SEZ6L: variants seen among roughly 807,000 people sequenced by gnomAD.
The protein encoded by SEZ6L is seizure related 6 homolog like.
In SEZ6L, 37 loss-of-function variants were observed where a neutral mutation model predicts 106.2. The ratio of observed to expected loss-of-function variants is 0.35; its 90% CI spans 0.27 to 0.46. The LOEUF is 0.46. Among genes scored for constraint, SEZ6L ranks in the 20% least tolerant of loss-of-function variants. The probability of loss-of-function intolerance (pLI) is 1.00; values close to 1 mark genes in which losing one functional copy is unlikely to be tolerated. For missense variants in SEZ6L, 1,172 were observed against 1,332.8 expected (o/e 0.88, Z 1.88); for synonymous variants, 541 against 570.4 (o/e 0.95, Z 0.73).
chr22:26,268,624 G>T (rs887866495), intron 1 of SEZ6L, among the ~76,000 whole-genome samples: 1 of 152,196 alleles, frequency 6.6e-6, no homozygotes, highest in Non-Finnish European at 1.5e-5. Flanking sequence ...ATAGGCCAGG[G>T]TCTCTCCATC....
chr22:26,265,585 G>C (rs951564700), intron 1 of SEZ6L, among the ~76,000 whole-genome samples: 3 of 152,206 alleles, frequency 2.0e-5, no homozygotes, highest in Non-Finnish European at 4.4e-5. Context: ...GCACCTCAGA[G>C]AGCTGCAAAC....
At chr22:26,348,186 G>A (rs921341840) in intron 11 of SEZ6L, among the ~76,000 whole-genome samples, 3 of 152,044 alleles carry the variant, frequency 2.0e-5, no homozygotes, top group Non-Finnish European at 4.4e-5. Context: ...GAATGGGAGC[G>A]TATGTAGCCT....
At chr22:26,350,706 G>C (rs1164045953) in intron 11 of SEZ6L, among the ~76,000 whole-genome samples, 1 of 150,366 alleles carries the variant, frequency 6.7e-6, no homozygotes, top group Non-Finnish European at 1.5e-5. Flanking sequence ...GCCCAGGCTG[G>C]AGTGCAGTGG....
rs185677283 is a variant in SEZ6L at position 26,314,900 on chromosome 22, G to T, written c.2015+998G>T. 8.5e-4 allele frequency among the ~76,000 whole-genome samples: 130 copies of T among 152,350 alleles called. 1 individual carries two copies. Among genetic ancestry groups the T allele is most frequent in the Middle Eastern group, 3.4e-3 (1 of 294 alleles). On this transcript the variant is annotated intron_variant, in intron 9 of 16. Coordinates refer to ENST00000248933, the MANE Select transcript of SEZ6L (RefSeq NM_021115.5). ...AGCGAGCAGCGGGGCTGAAATTCAG[G>T]CTTCTGTGGCTTCTCAGTCATGCTC...
chr22:26,298,245 C>T lies in SEZ6L; in HGVS notation c.1163-739C>T, dbSNP rs150708482. 1.8e-4 allele frequency among the ~76,000 whole-genome samples: 27 copies of T among 152,286 alleles called. No homozygotes were observed. In the East Asian group the frequency reaches 4.8e-3, roughly 27 times the overall value. On this transcript the variant is annotated intron_variant, in intron 4 of 16. Transcript: ENST00000248933. ...TTGAATGTATTCCTCCTCATCAGTACTGAGAATAAAGATATTCTGTGCTGC... is the reference window on the plus strand; with the variant it reads ...TTGAATGTATTCCTCCTCATCAGTATTGAGAATAAAGATATTCTGTGCTGC...
chr22:26,263,484 A>T (rs1204563586), intron 1 of SEZ6L, among the ~76,000 whole-genome samples: 1 of 152,242 alleles, frequency 6.6e-6, no homozygotes, highest in Non-Finnish European at 1.5e-5. Context: ...AAGATGCTGG[A>T]TTTGAATGAA....
chr22:26,230,994 G>A (rs918462738), intron 1 of SEZ6L, among the ~76,000 whole-genome samples: 3 of 152,202 alleles, frequency 2.0e-5, no homozygotes, highest in African/African-American at 7.2e-5. Flanking sequence ...CAAAACTGGG[G>A]CTTAGCCCAG....
chr22:26,379,059 T>C lies in SEZ6L; in HGVS notation c.3046-1207T>C, dbSNP rs148953745. Among the ~76,000 whole-genome samples the C allele has an allele frequency of 1.6e-4, 24 of 152,322 alleles. 1 individual carries two copies. The East Asian group carries it at 4.6e-3, about 29-fold the overall frequency. On this transcript the variant is annotated intron_variant, in intron 16 of 16. Transcript: ENST00000248933. ...AGGCAGCAACTGGGCTGCAGTCTCA[T>C]CTGAGGCTCAACCAGGGAAGGATCC...
chr22:26,321,381 T>A (rs1019805065), intron 9 of SEZ6L, among the ~76,000 whole-genome samples: 2 of 152,212 alleles, frequency 1.3e-5, no homozygotes, highest in Non-Finnish European at 2.9e-5. Flanking sequence ...TGAATGCGAC[T>A]CAGCAGCGCC....
At chr22:26,234,442 A>G (rs1166343671) in intron 1 of SEZ6L, among the ~76,000 whole-genome samples, 4 of 152,242 alleles carry the variant, frequency 2.6e-5, no homozygotes, top group Non-Finnish European at 4.4e-5. Context: ...GTGGGTCGGA[A>G]TTAGCAGACC....
At chr22:26,190,482 G>C (rs550753885) in intron 1 of SEZ6L, among the ~76,000 whole-genome samples, 1 of 152,176 alleles carries the variant, frequency 6.6e-6, no homozygotes, top group Non-Finnish European at 1.5e-5. Context: ...CAGGCTGCCT[G>C]AGTTCAAATC....
At chr22:26,178,537 A>G (rs1043717540) in intron 1 of SEZ6L, among the ~76,000 whole-genome samples, 28 of 152,136 alleles carry the variant, frequency 1.8e-4, no homozygotes, top group African/African-American at 6.3e-4. Flanking sequence ...GATTAGAACA[A>G]GGTAGGTGGA....
At chr22:26,299,899 C>T (rs1040614693) in intron 5 of SEZ6L, among the ~76,000 whole-genome samples, 5 of 152,196 alleles carry the variant, frequency 3.3e-5, no homozygotes, top group Non-Finnish European at 7.3e-5. Context: ...GAGGAACCAT[C>T]AAACGATTTT....
chr22:26,263,003 C>T (rs1261641118), intron 1 of SEZ6L, among the ~76,000 whole-genome samples: 1 of 152,194 alleles, frequency 6.6e-6, no homozygotes, highest in East Asian at 1.9e-4. Flanking sequence ...ACCATTCAGT[C>T]TCAGAATTAA....
At chr22:26,364,258 A>G (rs554208449) in intron 12 of SEZ6L, among the ~76,000 whole-genome samples, 261 of 152,214 alleles carry the variant, frequency 1.7e-3, no homozygotes, top group African/African-American at 5.8e-3. Flanking sequence ...CCAGGTGCTG[A>G]AAAAGGACTA....
intron 1 of SEZ6L, among the ~76,000 whole-genome samples, chr22:26,245,861 G>A (rs1217635604): frequency 6.6e-6 from 1 of 152,102 alleles, no homozygotes; most frequent in East Asian, 1.9e-4. Flanking sequence ...ATTATTATTA[G>A]TATTGCTGTT....
Position 26,368,427 on chromosome 22 carries a change from C to T in SEZ6L, c.2794+2861C>T, listed in dbSNP as rs528994011. Among the ~76,000 whole-genome samples the T allele has an allele frequency of 4.6e-5, 7 of 152,256 alleles. No homozygotes were observed. In the South Asian group the frequency reaches 6.2e-4, roughly 14 times the overall value. ...AATATTATTCAGCCATTAAAAGGAA[C>T]GAAATACTGACACATACCACAACAT... On this transcript the variant is annotated intron_variant, in intron 13 of 16. Coordinates refer to ENST00000248933, the MANE Select transcript of SEZ6L (RefSeq NM_021115.5).
chr22:26,260,813 A>G lies in SEZ6L; in HGVS notation c.95-31593A>G, dbSNP rs1160814951. Among the ~76,000 whole-genome samples the G allele has an allele frequency of 2.6e-5, 4 of 152,154 alleles. No individual in the cohort carries two copies. In the East Asian group the frequency reaches 7.7e-4, roughly 29 times the overall value. On this transcript the variant is annotated intron_variant, in intron 1 of 16. Coordinates refer to ENST00000248933, the MANE Select transcript of SEZ6L (RefSeq NM_021115.5). ...TTCTTTAAGGAATCTCTACACTGTC[A>G]TCCATAGTGGTTGTACTAGTTTACA...
chr22:26,316,756 C>T (rs572941170), intron 9 of SEZ6L, among the ~76,000 whole-genome samples: 273 of 151,482 alleles, frequency 1.8e-3, no homozygotes, highest in African/African-American at 6.2e-3. Context: ...CACCTGAACC[C>T]GGGAGGTGGA....
Sources: allele counts gnomAD v4.1 joint callset (sites outside exome capture counted in the v4.1 genomes callset), GRCh38; gene constraint gnomAD v4.1.1; transcripts MANE v1.5; gene names NCBI Gene and HGNC (gene_info 2026-07-23, HGNC 2026-07-21).